ADAM12: variants seen among roughly 807,000 people sequenced by gnomAD.
ADAM12 encodes the protein ADAM metallopeptidase domain 12.
Under a neutral mutation model 106.4 loss-of-function variants are expected in ADAM12, and 70 were observed. That is an observed-to-expected ratio of 0.66 (90% confidence interval 0.54 to 0.80). The LOEUF is 0.80. ADAM12 is among the 30% of genes least tolerant of loss of function. ADAM12 has a pLI of 0.00. For missense variants in ADAM12, 1,010 were observed against 1,171.9 expected (o/e 0.86, Z 2.02); for synonymous variants, 420 against 433.5 (o/e 0.97, Z 0.39).
chr10:126,051,603 ACCT>A (rs1204488758), intron 14 of ADAM12, among the ~76,000 whole-genome samples: 318 of 118,772 alleles, frequency 2.7e-3, no homozygotes, highest in Middle Eastern at 4.7e-3. Flanking sequence ...CCAGCCAGCC[ACCT>A]GTCCATCCAT....
chr10:126,337,937 A>G (rs1000303268), intron 1 of ADAM12, among the ~76,000 whole-genome samples: 1 of 152,250 alleles, frequency 6.6e-6, no homozygotes, highest in African/African-American at 2.4e-5. Context: ...AAACTTAAAA[A>G]GATCCTTTGG....
rs188745610 is a variant in ADAM12 at position 126,099,054 on chromosome 10, C to G, written c.912-554G>C. ...CAAGTGAGCACCCACAAAGCCTTGGCACCTAGGGAGGAAGCTTCTGGAAGG... is the reference window on the plus strand; with the variant it reads ...CAAGTGAGCACCCACAAAGCCTTGGGACCTAGGGAGGAAGCTTCTGGAAGG... On this transcript the variant is annotated intron_variant, in intron 9 of 22. Coordinates refer to ENST00000448723, the MANE Select transcript of ADAM12 (RefSeq NM_001288973.2). Among the ~76,000 whole-genome samples, 567 of 152,182 alleles carry G rather than the reference C, an allele frequency of 3.7e-3. 2 individuals carry two copies. The highest frequency in any genetic ancestry group is 0.013 in the African/African-American group (524 of 41,522).
intron 2 of ADAM12, among the ~76,000 whole-genome samples, chr10:126,298,983 G>A (rs571054472): frequency 5.3e-5 from 8 of 152,296 alleles, no homozygotes; most frequent in South Asian, 2.1e-4. Context: ...TTCAGCAGCC[G>A]CAGATTGCAT....
intron 3 of ADAM12, among the ~76,000 whole-genome samples, chr10:126,162,951 C>T (rs1480605325): frequency 1.3e-5 from 2 of 152,122 alleles, no homozygotes; most frequent in Non-Finnish European, 2.9e-5. Context: ...TGGCTTGGTG[C>T]TGTCTTCGTA....
intron 3 of ADAM12, among the ~76,000 whole-genome samples, chr10:126,187,076 T>C (rs541802192): frequency 2.9e-4 from 44 of 152,350 alleles, no homozygotes; most frequent in African/African-American, 9.9e-4. Flanking sequence ...AGTTTTAAGC[T>C]AATTACATGA....
Position 126,043,264 on chromosome 10 carries a change from C to G in ADAM12, c.1996-116G>C. The G allele has an allele frequency of 3.2e-6, 3 of 942,902 alleles. No homozygotes were observed. Among genetic ancestry groups the G allele is most frequent in the Admixed American group, 4.5e-5 (2 of 44,652 alleles). 58.4% of individuals were successfully genotyped at this position (942,902 alleles called of 1,614,324 possible). On this transcript the variant is annotated intron_variant, in intron 17 of 22. Transcript: ENST00000448723. This position sits in a 1 kb window ranked among gnomAD's most constrained non-coding sequence, Gnocchi z 4.1. ...CCCCCAACACTGACACAGCCAGACTCAGCACACGCCATGGTGCGAATAAGC... is the reference window on the plus strand; with the variant it reads ...CCCCCAACACTGACACAGCCAGACTGAGCACACGCCATGGTGCGAATAAGC...
chr10:126,269,587 C>T (rs1959165680), intron 3 of ADAM12, among the ~76,000 whole-genome samples: 1 of 152,238 alleles, frequency 6.6e-6, no homozygotes, highest in East Asian at 1.9e-4. Context: ...CAATGACAGC[C>T]ACTAAGATGG....
chr10:126,210,205 T>C (rs1957874358), intron 3 of ADAM12, among the ~76,000 whole-genome samples: 1 of 152,244 alleles, frequency 6.6e-6, no homozygotes, highest in African/African-American at 2.4e-5. Context: ...CATTTCATTC[T>C]TCCAGAAATA....
intron 2 of ADAM12, among the ~76,000 whole-genome samples, chr10:126,312,807 C>A (rs1163932670): frequency 6.6e-6 from 1 of 152,168 alleles, no homozygotes; most frequent in African/African-American, 2.4e-5. Context: ...CAGCACATCT[C>A]AGGCGCTGAC....
rs528049428 is a variant in ADAM12 at position 126,034,642 on chromosome 10, A to C, written c.2529+1504T>G. ...TAGTGACTGGCTAAATGGATGAAAA[A>C]ATCTATATGCTGTCTACAAGAAACG... On this transcript the variant is annotated intron_variant, in intron 21 of 22. Transcript: ENST00000448723. Among the ~76,000 whole-genome samples, 69 of 152,278 alleles carry C rather than the reference A, an allele frequency of 4.5e-4. 1 individual carries two copies. In the South Asian group the frequency reaches 0.014, roughly 31 times the overall value.
At chr10:126,327,226 G>A (rs1854337081) in intron 2 of ADAM12, among the ~76,000 whole-genome samples, 1 of 152,178 alleles carries the variant, frequency 6.6e-6, no homozygotes, top group African/African-American at 2.4e-5. Context: ...TCACACTCTA[G>A]GATGCGGATG....
chr10:126,340,906 G>T (rs562465573), intron 1 of ADAM12, among the ~76,000 whole-genome samples: 1 of 151,876 alleles, frequency 6.6e-6, no homozygotes, highest in African/African-American at 2.4e-5. Flanking sequence ...TGGTAGAGAC[G>T]GGGTTTCACC....
intron 6 of ADAM12, among the ~76,000 whole-genome samples, chr10:126,112,678 T>C (rs1955892595): frequency 6.6e-6 from 1 of 152,144 alleles, no homozygotes; most frequent in African/African-American, 2.4e-5. Context: ...CTATAATAAA[T>C]CCTCATTGCA....
chr10:126,236,073 G>C (rs1219845148), intron 3 of ADAM12, among the ~76,000 whole-genome samples: 1 of 152,218 alleles, frequency 6.6e-6, no homozygotes, highest in East Asian at 1.9e-4. Flanking sequence ...GTTCCAACCT[G>C]AAAAGGACAG....
intron 6 of ADAM12, among the ~76,000 whole-genome samples, chr10:126,111,270 G>A (rs766884936): frequency 2.0e-5 from 3 of 152,128 alleles, no homozygotes; most frequent in South Asian, 2.1e-4. Flanking sequence ...AAACTGTTAC[G>A]CTTTGTAACT....
At chr10:126,051,531 AG>A (rs1242178571) in intron 14 of ADAM12, among the ~76,000 whole-genome samples, 3 of 142,162 alleles carry the variant, frequency 2.1e-5, no homozygotes. Flanking sequence ...CCAGCCAGCC[AG>A]CCACCCATCC....
intron 2 of ADAM12, among the ~76,000 whole-genome samples, chr10:126,329,467 C>G (rs1226024068): frequency 2.0e-5 from 3 of 152,108 alleles, no homozygotes; most frequent in African/African-American, 7.2e-5. Context: ...AGTTTTTCTT[C>G]CAGAAAATAT....
intron 3 of ADAM12, among the ~76,000 whole-genome samples, chr10:126,233,559 T>C (rs1213945613): frequency 6.6e-6 from 1 of 152,040 alleles, no homozygotes; most frequent in Non-Finnish European, 1.5e-5. Flanking sequence ...TGGTATATGT[T>C]GTGGGCTGCA....
intron 3 of ADAM12, among the ~76,000 whole-genome samples, chr10:126,270,258 G>A (rs1316871665): frequency 2.0e-5 from 3 of 152,180 alleles, no homozygotes; most frequent in Admixed American, 1.3e-4. Context: ...GGCAGGGGAT[G>A]GGGCTTTTTA....
Sources: gnomAD v4.1 joint callset for allele counts (sites outside exome capture counted in the v4.1 genomes callset) on GRCh38, gnomAD v4.1.1 for gene constraint, Gnocchi (gnomAD v3.1) non-coding constraint, MANE v1.5 for transcripts, NCBI Gene and HGNC (gene_info 2026-07-23, HGNC 2026-07-21) for gene names.